Variants in NALF1 observed in about 807,000 individuals in gnomAD.
NALF1 encodes the protein NALCN channel auxiliary factor 1.
In NALF1, 3 loss-of-function variants were observed where a neutral mutation model predicts 48.4. The ratio of observed to expected loss-of-function variants is 0.06; its 90% confidence interval spans 0.03 to 0.16. The LOEUF is 0.16. NALF1 is among the 10% of genes least tolerant of loss of function. The pLI is 1.00. For missense variants in NALF1, 526 were observed against 571.5 expected, an observed-to-expected ratio of 0.92 and a Z score of 0.81; for synonymous variants, 262 against 245.7, an observed-to-expected ratio of 1.07 and a Z score of -0.62.
At chr13:107,835,779 C>G (rs1377388316) in intron 1 of NALF1, among the ~76,000 whole-genome samples, 2 of 152,106 alleles carry the variant, frequency 1.3e-5, no homozygotes, top group African/African-American at 2.4e-5. Context: ...CTGTGCCAGG[C>G]TGGGGGTTTC....
intron 1 of NALF1, among the ~76,000 whole-genome samples, chr13:107,694,892 A>G (rs1300431082): frequency 6.6e-6 from 1 of 151,810 alleles, no homozygotes; most frequent in African/African-American, 2.4e-5. Flanking sequence ...TCCCAGGTTC[A>G]AGCAATTCTC....
intron 1 of NALF1, among the ~76,000 whole-genome samples, chr13:107,550,620 T>C (rs1250184374): frequency 6.6e-6 from 1 of 152,166 alleles, no homozygotes; most frequent in Admixed American, 6.5e-5. Flanking sequence ...TAGCACTTCT[T>C]GAATACTAAA....
chr13:107,793,242 T>A (rs1295086597), intron 1 of NALF1, among the ~76,000 whole-genome samples: 1 of 152,188 alleles, frequency 6.6e-6, no homozygotes. Flanking sequence ...GATTTTTTCA[T>A]ACGCTCCATA....
intron 1 of NALF1, among the ~76,000 whole-genome samples, chr13:107,824,375 A>G (rs565597026): frequency 1.8e-4 from 27 of 152,336 alleles, no homozygotes; most frequent in African/African-American, 6.5e-4. Context: ...ATGAGAAAAA[A>G]AACTATGAAT....
intron 1 of NALF1, among the ~76,000 whole-genome samples, chr13:107,221,293 C>T (rs1879987435): frequency 6.6e-6 from 1 of 152,060 alleles, no homozygotes; most frequent in Admixed American, 6.6e-5. Flanking sequence ...TTAAAAAATT[C>T]AAGGCCAGGC....
intron 1 of NALF1, among the ~76,000 whole-genome samples, chr13:107,614,859 C>T (rs1879336932): frequency 6.6e-6 from 1 of 151,624 alleles, no homozygotes; most frequent in African/African-American, 2.4e-5. Context: ...CTCACTGAAA[C>T]TTCCGCCTCT....
At chr13:107,717,863 G>T (rs1038467081) in intron 1 of NALF1, among the ~76,000 whole-genome samples, 2 of 152,088 alleles carry the variant, frequency 1.3e-5, no homozygotes, top group African/African-American at 4.8e-5. Flanking sequence ...AATGTATCTA[G>T]ATCTGCTTCA....
intron 1 of NALF1, among the ~76,000 whole-genome samples, chr13:107,565,263 T>C (rs148280718): frequency 8.6e-5 from 13 of 151,338 alleles, no homozygotes; most frequent in African/African-American, 3.1e-4. Flanking sequence ...CCCACACTTG[T>C]AATCCCATCA....
At chr13:107,406,453 A>G (rs954924198) in intron 1 of NALF1, among the ~76,000 whole-genome samples, 1 of 152,016 alleles carries the variant, frequency 6.6e-6, no homozygotes, top group African/African-American at 2.4e-5. Flanking sequence ...GGAATTAACC[A>G]AAGAAGTGAA....
chr13:107,309,904 C>A (rs973246281), intron 1 of NALF1, among the ~76,000 whole-genome samples: 1 of 152,106 alleles, frequency 6.6e-6, no homozygotes, highest in Admixed American at 6.5e-5. Flanking sequence ...CGAAGTTTTA[C>A]AGTAGTGAAG....
chr13:107,397,573 C>T (rs1057251523), intron 1 of NALF1, among the ~76,000 whole-genome samples: 1 of 152,122 alleles, frequency 6.6e-6, no homozygotes, highest in African/African-American at 2.4e-5. Flanking sequence ...CTGTGCTCCA[C>T]AGTCTGCCCT....
intron 1 of NALF1, among the ~76,000 whole-genome samples, chr13:107,536,648 A>G (rs1257295627): frequency 6.6e-6 from 1 of 152,222 alleles, no homozygotes; most frequent in Non-Finnish European, 1.5e-5. Context: ...AAACTGGTTC[A>G]ACCATTGTGG....
At chr13:107,855,073 G>T (rs551731539) in intron 1 of NALF1, among the ~76,000 whole-genome samples, 43 of 152,158 alleles carry the variant, frequency 2.8e-4, no homozygotes, top group African/African-American at 1.0e-3. Context: ...GCAGGGAGTG[G>T]TCACCTCTTT....
intron 1 of NALF1, among the ~76,000 whole-genome samples, chr13:107,849,569 T>TA (rs1880259564): frequency 6.6e-6 from 1 of 152,162 alleles, no homozygotes; most frequent in African/African-American, 2.4e-5. Context: ...AGCAGTGTGC[T>TA]GGCCTTGGGC....
At position 107,651,089 on chromosome 13, in the gene NALF1, AT is replaced by A. The variant is rs1463403369; in HGVS notation, c.915+214592del. 9.3e-4 allele frequency among the ~76,000 whole-genome samples: 140 copies of A among 150,458 alleles called. 2 individuals are homozygous for A. The highest frequency in any genetic ancestry group is 3.3e-3 in the African/African-American group (134 of 40,996). ...CAAACCTTAAACAAAGGTTAAAAAAATAAAGAATTATAAATTCATTGCTTTA... is the reference window on the plus strand; with the variant it reads ...CAAACCTTAAACAAAGGTTAAAAAAAAAAGAATTATAAATTCATTGCTTTA... On this transcript the variant is annotated intron_variant, in intron 1 of 2. Transcript: ENST00000375915.
chr13:107,494,423 G>T (rs1327295236), intron 1 of NALF1, among the ~76,000 whole-genome samples: 1 of 152,136 alleles, frequency 6.6e-6, no homozygotes, highest in East Asian at 1.9e-4. Flanking sequence ...AACCCAAATG[G>T]ACGATGAAAA....
chr13:107,201,945 C>CTGG (rs1222149590), intron 2 of NALF1, among the ~76,000 whole-genome samples: 2 of 152,116 alleles, frequency 1.3e-5, no homozygotes, highest in Non-Finnish European at 2.9e-5. Context: ...CTCTCTATGC[C>CTGG]TGGGTTCGTC....
intron 1 of NALF1, among the ~76,000 whole-genome samples, chr13:107,606,292 G>C (rs4772892): frequency 9.4e-6 from 1 of 106,176 alleles, no homozygotes; most frequent in Non-Finnish European, 2.0e-5. Context: ...GTGTGTGTTT[G>C]TGTGTGTATG....
intron 1 of NALF1, among the ~76,000 whole-genome samples, chr13:107,219,302 C>G (rs1879943002): frequency 6.6e-6 from 1 of 152,186 alleles, no homozygotes; most frequent in Non-Finnish European, 1.5e-5. Context: ...CTTATTTAAC[C>G]TGGCCTGTAT....
Sources: gnomAD v4.1 joint callset for allele counts (sites outside exome capture counted in the v4.1 genomes callset) on GRCh38, gnomAD v4.1.1 for gene constraint, MANE v1.5 for transcripts, NCBI Gene and HGNC (gene_info 2026-07-23, HGNC 2026-07-21) for gene names.